The following AMOTL2 variants were observed in gnomAD, a reference collection of about 807,000 sequenced individuals.
AMOTL2 encodes angiomotin-like protein 2.
AMOTL2 carries 33 observed loss-of-function variants against 78.4 expected under a neutral mutation model. That is an observed-to-expected ratio of 0.42 (90% CI 0.32 to 0.56). The LOEUF (loss-of-function observed/expected upper bound fraction) is 0.56. Ranked by LOEUF, AMOTL2 falls within the 20% of genes least tolerant of loss-of-function variation. AMOTL2 has a pLI of 0.12. For missense variants in AMOTL2, 983 were observed against 1,030.1 expected, an observed-to-expected ratio of 0.95 and a Z score of 0.63; for synonymous variants, 422 against 428.8, an observed-to-expected ratio of 0.98 and a Z score of 0.20.
intron 2 of AMOTL2, among the ~76,000 whole-genome samples, chr3:134,368,972 C>T (rs1301398299): frequency 2.0e-5 from 3 of 152,242 alleles, no homozygotes; most frequent in Admixed American, 1.3e-4. Flanking sequence ...CCAGAAGCCC[C>T]GCAAAAACCG....
chr3:134,373,715 G>T, intron 1 of AMOTL2: 1 of 985,402 alleles, frequency 1.0e-6, no homozygotes, highest in Non-Finnish European at 1.2e-6. Context: ...TGGTACGCCT[G>T]GGGCGAGCCG....
intron 2 of AMOTL2, among the ~76,000 whole-genome samples, chr3:134,368,017 G>A (rs2017687855): frequency 6.6e-6 from 1 of 152,214 alleles, no homozygotes; most frequent in Admixed American, 6.5e-5. Flanking sequence ...GTTTCTGCCT[G>A]AGGCTCTCAA....
rs931895695 is a variant in AMOTL2 at position 134,367,155 on chromosome 3, A to G, written c.1041+342T>C. 3.3e-5 allele frequency among the ~76,000 whole-genome samples: 5 copies of G among 151,546 alleles called. No homozygotes were observed. In the East Asian group the frequency reaches 9.7e-4, roughly 29 times the overall value. ...GAACAGACTTGCTGTTGTGTGGGGGACACAAAGGGCTCTCTGTGGGAGGTG... is the reference window on the plus strand; with the variant it reads ...GAACAGACTTGCTGTTGTGTGGGGGGCACAAAGGGCTCTCTGTGGGAGGTG... On this transcript the variant is annotated intron_variant, in intron 3 of 9. Transcript: ENST00000249883.
At chr3:134,374,245 C>A in intron 1 of AMOTL2, 97 bp downstream of exon 1, 1 of 985,484 alleles carries the variant, frequency 1.0e-6, no homozygotes, top group Non-Finnish European at 1.2e-6. Flanking sequence ...GGCTCCGACT[C>A]CCGGAAAAGG....
chr3:134,366,455 T>G, intron 3 of AMOTL2, 28 bp from the exon 4 acceptor site: 1 of 1,602,382 alleles, frequency 6.2e-7, no homozygotes, highest in Non-Finnish European at 8.5e-7. Flanking sequence ...CAGAGCTGAA[T>G]GAAGGCGAGA....
chr3:134,373,635 G>A, intron 1 of AMOTL2: 1 of 985,486 alleles, frequency 1.0e-6, no homozygotes, highest in Non-Finnish European at 1.2e-6. Context: ...CAAGCTAGGA[G>A]GTTCTGGCAC....
chr3:134,357,435 CA>C lies in AMOTL2; in HGVS notation c.*269del. 2 of 451,002 alleles carry C rather than the reference CA, an allele frequency of 4.4e-6. No homozygotes were observed. Among genetic ancestry groups the C allele is most frequent in the Non-Finnish European group, 8.1e-6 (2 of 246,614 alleles). The allele number at this position is 451,002 out of a possible 1,614,324, so 27.9% of individuals were successfully genotyped here. ...TGCTACCCCAGTAGCAGGCCTTGGG[CA>C]AGAAGTCAAGGCTGAATCCTCATTC... On this transcript the variant is annotated 3_prime_UTR_variant, in exon 10 of 10. Coordinates refer to ENST00000249883, the MANE Select transcript of AMOTL2 (RefSeq NM_016201.4).
upstream of AMOTL2, chr3:134,375,364 G>A (rs930423464): frequency 9.8e-6 from 9 of 918,070 alleles, no homozygotes; most frequent in Admixed American, 2.0e-5. Flanking sequence ...TTGTAAATGA[G>A]GACACCAGGG....
Position 134,370,745 on chromosome 3 carries a change from C to G in AMOTL2, c.689G>C (p.Arg230Pro). 1 of 1,515,086 alleles carries G rather than the reference C, an allele frequency of 6.6e-7. No homozygotes were observed. The highest frequency in any genetic ancestry group is 8.8e-7 in the Non-Finnish European group (1 of 1,131,746). The allele number at this position is 1,515,086 out of a possible 1,614,324, so 93.9% of individuals were successfully genotyped here. Residue 230 changes from arginine (R) to proline (P), a missense_variant, in exon 2 of 10, where the codon CGG becomes CCG. By Grantham distance (103) the Arg-to-Pro change is moderately radical (BLOSUM62 -2). Coordinates refer to ENST00000249883, the MANE Select transcript of AMOTL2 (RefSeq NM_016201.4). ...HETTTAVTDP[R>P]YRARGSPHFQ... ...GTGCGGGCTGCCGCGGGCACGGTAC[C>G]GTGGGTCAGTGACAGCAGTGGTGGT...
chr3:134,355,793 T>C lies in AMOTL2; in HGVS notation c.*1912A>G, dbSNP rs1256995245. The C allele has an allele frequency of 1.3e-5, 2 of 152,660 alleles. No homozygotes were observed. The highest frequency in any genetic ancestry group is 4.8e-5 in the African/African-American group (2 of 41,450). 9.5% of individuals were successfully genotyped at this position (152,660 alleles called of 1,614,324 possible). A position where few individuals can be genotyped will look rare whatever the true frequency, so the allele number is the denominator to read the frequency against. ...ATTCTATCTTGGGTCCTTGAAGAGA[T>C]TGGACTATGACTTGGGTGGCCCCCC... On this transcript the variant is annotated 3_prime_UTR_variant, in exon 10 of 10. Coordinates refer to ENST00000249883, the MANE Select transcript of AMOTL2 (RefSeq NM_016201.4).
At chr3:134,363,934 C>G (rs2017484190) in intron 5 of AMOTL2, among the ~76,000 whole-genome samples, 1 of 152,180 alleles carries the variant, frequency 6.6e-6, no homozygotes, top group Non-Finnish European at 1.5e-5. Context: ...CTGGCCATCC[C>G]CTACCAACAG....
At chr3:134,361,403 C>A (rs1439936293) in intron 6 of AMOTL2, 109 bp downstream of exon 6, 30 of 1,319,036 alleles carry the variant, frequency 2.3e-5, no homozygotes, top group Non-Finnish European at 2.8e-5. Context: ...TAGATCTAAG[C>A]AGGGGCTCCC....
At chr3:134,367,348 G>T in intron 3 of AMOTL2, 149 bp downstream of exon 3, 1 of 913,886 alleles carries the variant, frequency 1.1e-6, no homozygotes. Flanking sequence ...GGTGCATGAG[G>T]AGTGAGGGAG....
In AMOTL2 at chr3:134,361,730, G is replaced by C. The variant is rs557196408; in HGVS notation, c.1357C>G (p.Arg453Gly). ...LLRGAIEDQR[R>G]RAELLEQALG... ...GCCTGCTCCAGCAGCTCGGCACGCCGCCGCTGGTCCTCGATGGCGCCGCGC... is the reference window on the plus strand; with the variant it reads ...GCCTGCTCCAGCAGCTCGGCACGCCCCCGCTGGTCCTCGATGGCGCCGCGC... The change falls in exon 6 of 10, where the codon CGG (arginine) becomes GGG (glycine). Residue 453 changes from arginine to glycine, a missense_variant. Coordinates refer to ENST00000249883, the MANE Select transcript of AMOTL2 (RefSeq NM_016201.4). The C allele has an allele frequency of 4.4e-5, 71 of 1,607,078 alleles. No individual in the cohort carries two copies. The African/African-American group carries it at 8.3e-4, about 19-fold the overall frequency.
chr3:134,357,405 TCAGTTGCTACCC>T lies in AMOTL2; in HGVS notation c.*288_*299del, dbSNP rs2017123598. ...GGGAGCTCAGCTCCTTTCTGAGCTG[TCAGTTGCTACCC>T]CAGTAGCAGGCCTTGGGCAAGAAGT... On this transcript the variant is annotated 3_prime_UTR_variant, in exon 10 of 10. Coordinates refer to ENST00000249883, the MANE Select transcript of AMOTL2 (RefSeq NM_016201.4). 1 of 380,806 alleles carries T rather than the reference TCAGTTGCTACCC, an allele frequency of 2.6e-6. No individual in the cohort carries two copies. The highest frequency in any genetic ancestry group is 4.9e-6 in the Non-Finnish European group (1 of 203,966). The allele number at this position is 380,806 out of a possible 1,614,324, so 23.6% of individuals were successfully genotyped here.
At chr3:134,367,464 G>T (rs2017658181) in intron 3 of AMOTL2, 33 bp downstream of exon 3, 1 of 1,604,962 alleles carries the variant, frequency 6.2e-7, no homozygotes. Context: ...GTCTCTTTCT[G>T]GTCTGCCCTT....
chr3:134,366,390 T>C lies in AMOTL2; in HGVS notation c.1079A>G (p.Glu360Gly). 1 of 1,613,930 alleles carries C rather than the reference T, an allele frequency of 6.2e-7. No homozygotes were observed. Among genetic ancestry groups the C allele is most frequent in the South Asian group, 1.1e-5 (1 of 91,046 alleles). Reference sequence around the variant, plus strand: ...CTTGGAGGAGGCTCTGGTCAGGCTCTCATGGGCCTCAGAGAGCCGCTGGAT... The same window carrying C: ...CTTGGAGGAGGCTCTGGTCAGGCTCCCATGGGCCTCAGAGAGCCGCTGGAT... ...SEIQRLSEAH[E>G]SLTRASSKRE... is the part of the protein sequence containing the mutation. Residue 360 changes from glutamate (E) to glycine (G), a missense_variant, in exon 4 of 10, where the codon GAG becomes GGG. Glu to Gly is a moderately conservative substitution (Grantham distance 98, BLOSUM62 -2). Transcript: ENST00000249883.
chr3:134,367,984 A>AGT (rs2017686962), intron 2 of AMOTL2, 181 bp from the exon 3 acceptor site: 1 of 545,514 alleles, frequency 1.8e-6, no homozygotes. Context: ...GGCAGGGACC[A>AGT]GTAGGGAAGG....
intron 6 of AMOTL2, 21 bp from the exon 7 acceptor site, chr3:134,360,434 A>G: frequency 6.3e-7 from 1 of 1,595,232 alleles, no homozygotes; most frequent in Non-Finnish European, 8.5e-7. Flanking sequence ...AGGAGTAGAG[A>G]CCGTGGTCAA....
Sources: allele counts gnomAD v4.1 joint callset (sites outside exome capture counted in the v4.1 genomes callset), GRCh38; gene constraint gnomAD v4.1.1; transcripts MANE v1.5; gene names NCBI Gene and HGNC (gene_info 2026-07-23, HGNC 2026-07-21).